The following ISL1 variants were observed in gnomAD, a reference collection of about 807,000 sequenced individuals.
ISL1 encodes insulin gene enhancer protein ISL-1.
Under a neutral mutation model 35.3 loss-of-function variants are expected in ISL1, and 4 were observed. The observed-to-expected ratio is 0.11, with a 90% CI of 0.06 to 0.26. The LOEUF (loss-of-function observed/expected upper bound fraction) is 0.26. Ranked by LOEUF, ISL1 falls within the 10% of genes least tolerant of loss-of-function variation. ISL1 has a pLI of 1.00. For synonymous variants in ISL1, 186 were observed against 172.3 expected (o/e 1.08, Z -0.62); for missense variants, 340 against 472.8 (o/e 0.72, Z 2.60).
Position 51,384,523 on chromosome 5 carries a change from T to G in ISL1, c.29-18T>G. 6.2e-7 allele frequency: 1 copy of G among 1,611,278 alleles called. No homozygotes were observed. Among genetic ancestry groups the G allele is most frequent in the Non-Finnish European group, 8.5e-7 (1 of 1,177,456 alleles). On this transcript the variant is annotated intron_variant, in intron 1 of 5. Transcript: ENST00000230658. ...GGAAGTAAACGGTTAGTCAATCATGTATTTATTTTCATTTCAGAAAAACGT... is the reference window on the plus strand; with the variant it reads ...GGAAGTAAACGGTTAGTCAATCATGGATTTATTTTCATTTCAGAAAAACGT...
chr5:51,384,231 T>C (rs1425791328), intron 1 of ISL1, among the ~76,000 whole-genome samples: 1 of 117,034 alleles, frequency 8.5e-6, no homozygotes, highest in East Asian at 2.9e-4. Context: ...CCAATGATTA[T>C]AGCAAAGAGG....
rs189919417 is a variant in ISL1 at position 51,389,029 on chromosome 5, C to T, written c.479-617C>T. On this transcript the variant is annotated intron_variant, in intron 3 of 5. Coordinates refer to ENST00000230658, the MANE Select transcript of ISL1 (RefSeq NM_002202.3). The surrounding 1 kb of genome is among the most constrained non-coding windows in gnomAD (Gnocchi z 5.0). ...ATATGGCAGAAATAGCGAATCTCTT[C>T]AGCCCCTTCACATGACTGTCCTCTC... is the stretch of plus-strand genomic sequence containing the variant. Among the ~76,000 whole-genome samples, 209 of 152,292 alleles carry T rather than the reference C, an allele frequency of 1.4e-3. 1 individual carries two copies. Among genetic ancestry groups the T allele is most frequent in the African/African-American group, 5.0e-3 (206 of 41,564 alleles).
chr5:51,390,940 G>C (rs1747499509), intron 4 of ISL1, among the ~76,000 whole-genome samples: 1 of 151,876 alleles, frequency 6.6e-6, no homozygotes, highest in South Asian at 2.1e-4. Flanking sequence ...GCTTACCTCA[G>C]CTTTTTAGTT....
intron 4 of ISL1, among the ~76,000 whole-genome samples, chr5:51,390,638 TTTTC>T (rs1747482540): frequency 2.1e-5 from 1 of 48,298 alleles, no homozygotes; most frequent in African/African-American, 1.4e-4. Flanking sequence ...TTTTCTTTCT[TTTTC>T]TTTTTTTTTT....
In ISL1 at chr5:51,389,925, A is replaced by G; in HGVS notation, c.758A>G (p.Asp253Gly). The G allele has an allele frequency of 6.2e-7, 1 of 1,613,744 alleles. No homozygotes were observed. The highest frequency in any genetic ancestry group is 8.5e-7 in the Non-Finnish European group (1 of 1,179,668). Residue 253 changes from aspartate to glycine, a missense_variant, in exon 4 of 6, where the codon GAC becomes GGC. Physicochemically the swap from Asp to Gly is moderately conservative, Grantham distance 94. This residue lies in a region of ISL1 where 25 missense variants were observed against 43.2 expected (regional missense o/e 0.58). Transcript: ENST00000230658. The surrounding 1 kb of genome is among the most constrained non-coding windows in gnomAD (Gnocchi z 5.0). Reference sequence around the variant, plus strand: ...CAACTCCAGCAGCAGCAGCCCAATGACAAAACTGTGAGTGGCTCTGGGGCC... The same window carrying G: ...CAACTCCAGCAGCAGCAGCCCAATGGCAAAACTGTGAGTGGCTCTGGGGCC... The part of the protein sequence containing the change: ...MKQLQQQQPN[D>G]KTNIQGMTGT...
chr5:51,388,666 C>A (rs1747410233), intron 3 of ISL1, among the ~76,000 whole-genome samples: 1 of 152,180 alleles, frequency 6.6e-6, no homozygotes, highest in Non-Finnish European at 1.5e-5. Context: ...TTTAAAGTAT[C>A]AATTCCCACT....
chr5:51,389,811 T>C lies in ISL1; in HGVS notation c.644T>C (p.Val215Ala). ...GATGCGCTCATGAAGGAGCAACTGGTAGAGATGACGGGCCTCAGTCCCCGT... is the reference window on the plus strand; with the variant it reads ...GATGCGCTCATGAAGGAGCAACTGGCAGAGATGACGGGCCTCAGTCCCCGT... The part of the protein sequence containing the change: ...RPDALMKEQL[V>A]EMTGLSPRVI... Residue 215 changes from valine (V) to alanine (A), a missense_variant, in exon 4 of 6, where the codon GTA (valine) becomes GCA (alanine). Physicochemically the swap from Val to Ala is moderately conservative, Grantham distance 64 (BLOSUM62 0). This residue lies in a region of ISL1 where 24 missense variants were observed against 59.7 expected (regional missense o/e 0.40). Transcript: ENST00000230658. The surrounding 1 kb of genome is among the most constrained non-coding windows in gnomAD (Gnocchi z 5.0). 1.2e-6 allele frequency: 2 copies of C among 1,614,168 alleles called. No homozygotes were observed. The highest frequency in any genetic ancestry group is 1.7e-6 in the Non-Finnish European group (2 of 1,180,016).
At chr5:51,393,350 G>C (rs1747561308) in intron 5 of ISL1, 144 bp from the exon 6 acceptor site, 8 of 685,690 alleles carry the variant, frequency 1.2e-5, no homozygotes, top group Non-Finnish European at 1.9e-5. Flanking sequence ...CTTTCTCTAA[G>C]CCTGTTAAAA....
At chr5:51,386,706 A>G (rs1747350403) in intron 2 of ISL1, 1 of 444,804 alleles carries the variant, frequency 2.2e-6, no homozygotes, top group Non-Finnish European at 4.5e-6. Flanking sequence ...TTTTCAAGAA[A>G]ATTGAAATGA....
chr5:51,385,788 C>T (rs1348799133), intron 2 of ISL1, among the ~76,000 whole-genome samples: 3 of 151,894 alleles, frequency 2.0e-5, no homozygotes, highest in Non-Finnish European at 4.4e-5. Context: ...TTTAAATGTC[C>T]GGTGGCTATT....
At chr5:51,390,927 C>G (rs1215935247) in intron 4 of ISL1, among the ~76,000 whole-genome samples, 1 of 151,458 alleles carries the variant, frequency 6.6e-6, no homozygotes, top group African/African-American at 2.4e-5. Context: ...GAAGGGAAGC[C>G]CTGCTTACCT....
chr5:51,387,971 G>T lies in ISL1; in HGVS notation c.478+222G>T, dbSNP rs1045612823. On this transcript the variant is annotated intron_variant, in intron 3 of 5. Transcript: ENST00000230658. This position sits in a 1 kb window ranked among gnomAD's most constrained non-coding sequence, Gnocchi z 4.3. ...CCGAGCACACCTACACCGTCTGTGT[G>T]TCTCTATATGGTTACACATAAATGT... Among the ~76,000 whole-genome samples the T allele has an allele frequency of 7.9e-5, 12 of 152,258 alleles. No individual in the cohort carries two copies. Among genetic ancestry groups the T allele is most frequent in the African/African-American group, 2.7e-4 (11 of 41,476 alleles).
In ISL1 at chr5:51,389,984, G is replaced by C. The variant is rs777054397; in HGVS notation, c.765+52G>C. The stretch of plus-strand genomic sequence containing the variant: ...AATGCGAGGGGGAAGGAGACGCAGC[G>C]TGCGAGGTGCGTTCCTGGTACGCAG... On this transcript the variant is annotated intron_variant, in intron 4 of 5. Coordinates refer to ENST00000230658, the MANE Select transcript of ISL1 (RefSeq NM_002202.3). This position sits in a 1 kb window ranked among gnomAD's most constrained non-coding sequence, Gnocchi z 5.0. The C allele has an allele frequency of 1.6e-5, 25 of 1,584,616 alleles. No individual in the cohort carries two copies. The African/African-American group carries it at 3.4e-4, about 21-fold the overall frequency.
In ISL1 at chr5:51,394,633, T is replaced by C. The variant is rs2111863272; in HGVS notation, c.*1023T>C. On this transcript the variant is annotated 3_prime_UTR_variant, in exon 6 of 6. Transcript: ENST00000230658. ...TATGTCTAATTCTATGTGTTTTGTC[T>C]TTTTCTTAAATATTATGTGAAATCA... 6.5e-6 allele frequency: 1 copy of C among 152,732 alleles called. No homozygotes were observed. The highest frequency in any genetic ancestry group is 6.5e-5 in the Admixed American group (1 of 15,302). The allele number at this position is 152,732 out of a possible 1,614,324, so 9.5% of individuals were successfully genotyped here.
At chr5:51,384,791 A>G in intron 2 of ISL1, 61 bp downstream of exon 2, 1 of 1,467,120 alleles carries the variant, frequency 6.8e-7, no homozygotes, top group Non-Finnish European at 9.5e-7. Context: ...CCCACTCTTT[A>G]TGTATTATTT....
intron 2 of ISL1, among the ~76,000 whole-genome samples, chr5:51,385,269 C>T (rs775210511): frequency 1.3e-5 from 2 of 152,170 alleles, no homozygotes; most frequent in African/African-American, 4.8e-5. Flanking sequence ...GTAAGACCTC[C>T]TTCTGAGAAA....
intron 1 of ISL1, 83 bp from the exon 2 acceptor site, chr5:51,384,458 C>A: frequency 7.8e-7 from 1 of 1,276,936 alleles, no homozygotes; most frequent in South Asian, 1.2e-5. Flanking sequence ...CAGAGTACGC[C>A]CTATAAGAGA....
chr5:51,387,708 C>G lies in ISL1; in HGVS notation c.437C>G (p.Pro146Arg), dbSNP rs371070257. ...AGGGCCAGTCTAGGCGCTGGCGACC[C>G]GCTCAGTCCCCTGCATCCAGCGCGG... Reference protein sequence around the residue: ...VERASLGAGDPLSPLHPARPL... With the variant: ...VERASLGAGDRLSPLHPARPL... Residue 146 changes from proline (P) to arginine (R), a missense_variant, in exon 3 of 6, where the codon CCG (proline) becomes CGG (arginine). Physicochemically the swap from Pro to Arg is moderately radical, Grantham distance 103. Around this residue, in one of 7 missense-constraint regions of ISL1, gnomAD observed 94 missense variants for 102.1 expected, o/e 0.92. Coordinates refer to ENST00000230658, the MANE Select transcript of ISL1 (RefSeq NM_002202.3). The surrounding 1 kb of genome is among the most constrained non-coding windows in gnomAD (Gnocchi z 4.3). The G allele has an allele frequency of 6.2e-6, 10 of 1,614,062 alleles. No homozygotes were observed. In the African/African-American group the frequency reaches 1.3e-4, roughly 22 times the overall value.
At chr5:51,386,716 A>G in intron 2 of ISL1, 5 of 436,864 alleles carry the variant, frequency 1.1e-5, no homozygotes, top group South Asian at 8.3e-5. Flanking sequence ...AATTGAAATG[A>G]GGTAGATGAT....
Sources: gnomAD v4.1 joint callset for allele counts (sites outside exome capture counted in the v4.1 genomes callset) on GRCh38, gnomAD v4.1.1 for gene constraint, gnomAD v4.1.1 regional missense constraint, Gnocchi (gnomAD v3.1) non-coding constraint, MANE v1.5 for transcripts, NCBI Gene and HGNC (gene_info 2026-07-23, HGNC 2026-07-21) for gene names.